MYEF2: variants seen among roughly 807,000 people sequenced by gnomAD.
The protein encoded by MYEF2 is myelin gene expression factor 2.
MYEF2 carries 37 observed loss-of-function variants against 75.2 expected under a neutral mutation model. That is an observed-to-expected ratio of 0.49 (90% confidence interval 0.38 to 0.65). The LOEUF (loss-of-function observed/expected upper bound fraction) is 0.65, where lower values mean the gene tolerates loss of function less well. Ranked by LOEUF, MYEF2 falls within the 30% of genes least tolerant of loss-of-function variation. The pLI, the probability that MYEF2 is intolerant of heterozygous loss-of-function variation, is 0.00. For missense variants in MYEF2, 634 were observed against 771.4 expected (o/e 0.82, Z 2.11); for synonymous variants, 195 against 241.6 (o/e 0.81, Z 1.79).
At position 48,153,754 on chromosome 15, in the gene MYEF2, T is replaced by G. The variant is rs768129531; in HGVS notation, c.1087+38A>C. ...TGGAGGCTTTATTAGCTAGCATATG[T>G]ATCATTTAAAAAGAAAAGAGGAAGT... is the stretch of plus-strand genomic sequence containing the variant. On this transcript the variant is annotated intron_variant, in intron 10 of 16. Coordinates refer to ENST00000324324, the MANE Select transcript of MYEF2 (RefSeq NM_016132.5). The G allele has an allele frequency of 2.0e-6, 3 of 1,519,062 alleles. No homozygotes were observed. In the African/African-American group the frequency reaches 4.1e-5, roughly 21 times the overall value. The allele number at this position is 1,519,062 out of a possible 1,614,324, so 94.1% of individuals were successfully genotyped here. A position where few individuals can be genotyped will look rare whatever the true frequency, so the allele number is the denominator to read the frequency against.
At chr15:48,147,602 G>A (rs1008193009) in intron 16 of MYEF2, among the ~76,000 whole-genome samples, 1 of 151,878 alleles carries the variant, frequency 6.6e-6, no homozygotes, top group African/African-American at 2.4e-5. Flanking sequence ...TCTTACTCCT[G>A]CAAAGAAGAC....
chr15:48,166,724 T>C (rs933616123), intron 3 of MYEF2, among the ~76,000 whole-genome samples: 1 of 151,990 alleles, frequency 6.6e-6, no homozygotes, highest in African/African-American at 2.4e-5. Flanking sequence ...ATGAATGTAA[T>C]GACAAAATTT....
intron 7 of MYEF2, among the ~76,000 whole-genome samples, chr15:48,158,457 G>A (rs1047024242): frequency 1.7e-4 from 26 of 152,102 alleles, no homozygotes; most frequent in East Asian, 1.9e-4. Flanking sequence ...AAGTAAACTC[G>A]TAAGGCTTCG....
intron 1 of MYEF2, among the ~76,000 whole-genome samples, chr15:48,174,182 C>T (rs534774163): frequency 2.6e-5 from 4 of 152,096 alleles, no homozygotes; most frequent in African/African-American, 9.6e-5. Flanking sequence ...AAAAACACAT[C>T]CCCAATATAT....
Position 48,142,253 on chromosome 15 carries a change from ATAGTC to A in MYEF2, c.*650_*654del, listed in dbSNP as rs746029159. 7.6e-5 allele frequency: 123 copies of A among 1,613,760 alleles called. No individual in the cohort carries two copies. The highest frequency in any genetic ancestry group is 1.0e-4 in the Non-Finnish European group (122 of 1,179,772). On this transcript the variant is annotated 3_prime_UTR_variant, in exon 17 of 17. Transcript: ENST00000324324. ...CTGGAAACTAGACAGAAAGTTGGGA[ATAGTC>A]TGCCTATTATCATACTTGGGGCTTG...
intron 1 of MYEF2, among the ~76,000 whole-genome samples, chr15:48,170,618 A>G (rs150832629): frequency 3.9e-5 from 6 of 152,248 alleles, no homozygotes; most frequent in African/African-American, 1.2e-4. Flanking sequence ...CAGGCTCTAA[A>G]TTATCTTCTA....
Position 48,167,206 on chromosome 15 carries a change from G to C in MYEF2, c.423+143C>G, listed in dbSNP as rs186295891. The C allele has an allele frequency of 8.6e-4, 633 of 737,960 alleles. 1 individual carries two copies. Among genetic ancestry groups the C allele is most frequent in the Non-Finnish European group, 1.2e-3 (553 of 449,686 alleles). 45.7% of individuals were successfully genotyped at this position (737,960 alleles called of 1,614,324 possible). A position where few individuals can be genotyped will look rare whatever the true frequency, so the allele number is the denominator to read the frequency against. On this transcript the variant is annotated intron_variant, in intron 3 of 16. Coordinates refer to ENST00000324324, the MANE Select transcript of MYEF2 (RefSeq NM_016132.5). The stretch of plus-strand genomic sequence containing the variant: ...CTAGGTTTGTATAAGTGTCAGACTT[G>C]CTGGTATAGAGCCTCAAATCTTGCA...
At chr15:48,172,419 A>AAAGATCTCC (rs1421375321) in intron 1 of MYEF2, among the ~76,000 whole-genome samples, 1 of 151,696 alleles carries the variant, frequency 6.6e-6, no homozygotes, top group Non-Finnish European at 1.5e-5. Flanking sequence ...AAAAAAGAAT[A>AAAGATCTCC]AAGATCTCCA....
At position 48,178,137 on chromosome 15, in the gene MYEF2, TGCGGCTCTCGCC is replaced by T. The variant is rs755181981; in HGVS notation, c.89_100del (p.Arg30_Pro33del). ...CTGCTGCTTCTCCGCCTCCGCGGGG[TGCGGCTCTCGCC>T]GCGGCTCGCCCGGCGGCTCTGCGGG... is the stretch of plus-strand genomic sequence containing the variant. On this transcript the variant is annotated inframe_deletion, in exon 1 of 17. Transcript: ENST00000324324. The T allele has an allele frequency of 1.3e-6, 2 of 1,582,692 alleles. No homozygotes were observed. The highest frequency in any genetic ancestry group is 1.7e-6 in the Non-Finnish European group (2 of 1,165,414).
chr15:48,158,230 G>C lies in MYEF2; in HGVS notation c.872-6C>G. Reference sequence around the variant, plus strand: ...AAACTGCCCATTGAACATAGCTGTTGGTTCAGTCAAGGAAAGTCAGTTAAG... The same window carrying C: ...AAACTGCCCATTGAACATAGCTGTTCGTTCAGTCAAGGAAAGTCAGTTAAG... On this transcript the variant is annotated splice_polypyrimidine_tract_variant and splice_region_variant and intron_variant, in intron 7 of 16. Coordinates refer to ENST00000324324, the MANE Select transcript of MYEF2 (RefSeq NM_016132.5). 6.2e-7 allele frequency: 1 copy of C among 1,612,082 alleles called. No homozygotes were observed. The highest frequency in any genetic ancestry group is 1.1e-5 in the South Asian group (1 of 90,846).
At position 48,149,589 on chromosome 15, in the gene MYEF2, C is replaced by A. The variant is rs115398350; in HGVS notation, c.1379-218G>T. On this transcript the variant is annotated intron_variant, in intron 14 of 16. Coordinates refer to ENST00000324324, the MANE Select transcript of MYEF2 (RefSeq NM_016132.5). This position sits in a 1 kb window ranked among gnomAD's most constrained non-coding sequence, Gnocchi z 4.0. ...AAAGAACAGAATTTGCTTACATATA[C>A]ATTTAGTTAGCTGAGAAATTCTAGC... is the stretch of plus-strand genomic sequence containing the variant. 8.7e-6 allele frequency: 3 copies of A among 344,176 alleles called. No individual in the cohort carries two copies. The highest frequency in any genetic ancestry group is 1.5e-5 in the Non-Finnish European group (3 of 195,098). The allele number at this position is 344,176 out of a possible 1,614,324, so 21.3% of individuals were successfully genotyped here. A position where few individuals can be genotyped will look rare whatever the true frequency, so the allele number is the denominator to read the frequency against.
rs536330487 is a variant in MYEF2 at position 48,135,180 on chromosome 15, A to G, written c.*7728T>C. On this transcript the variant is annotated 3_prime_UTR_variant, in exon 17 of 17. Coordinates refer to ENST00000324324, the MANE Select transcript of MYEF2 (RefSeq NM_016132.5). The stretch of plus-strand genomic sequence containing the variant: ...ACTAGTTTGCAATTTCTTCTTAATC[A>G]CTTCACAGTCTCCTTTTTTCTCTCA... 6.1e-5 allele frequency: 28 copies of G among 455,600 alleles called. No individual in the cohort carries two copies. The Admixed American group carries it at 7.0e-4, about 11-fold the overall frequency. The allele number at this position is 455,600 out of a possible 1,614,324, so 28.2% of individuals were successfully genotyped here.
At position 48,142,673 on chromosome 15, in the gene MYEF2, A is replaced by C; in HGVS notation, c.*235T>G. On this transcript the variant is annotated 3_prime_UTR_variant, in exon 17 of 17. Transcript: ENST00000324324. ...CAAGAAAATGGCTTATTTCATTAAAAACAGTATAACCATTCATTTAAACTG... is the reference window on the plus strand; with the variant it reads ...CAAGAAAATGGCTTATTTCATTAAACACAGTATAACCATTCATTTAAACTG... 2.1e-6 allele frequency: 1 copy of C among 469,696 alleles called. No homozygotes were observed. Among genetic ancestry groups the C allele is most frequent in the Non-Finnish European group, 3.7e-6 (1 of 272,220 alleles). The allele number at this position is 469,696 out of a possible 1,614,324, so 29.1% of individuals were successfully genotyped here. A position where few individuals can be genotyped will look rare whatever the true frequency, so the allele number is the denominator to read the frequency against.
chr15:48,141,258 C>A lies in MYEF2; in HGVS notation c.*1650G>T. The A allele has an allele frequency of 2.1e-6, 3 of 1,411,890 alleles. No homozygotes were observed. Among genetic ancestry groups the A allele is most frequent in the Non-Finnish European group, 3.0e-6 (3 of 999,822 alleles). The allele number at this position is 1,411,890 out of a possible 1,614,324, so 87.5% of individuals were successfully genotyped here. A position where few individuals can be genotyped will look rare whatever the true frequency, so the allele number is the denominator to read the frequency against. On this transcript the variant is annotated 3_prime_UTR_variant, in exon 17 of 17. Transcript: ENST00000324324. ...AAGCTGCAATGGTCATTCTACAAGG[C>A]TAGAATGAGTAAAAGTAGCTTTAAA...
At chr15:48,152,340 G>A in intron 10 of MYEF2, 56 bp from the exon 11 acceptor site, 1 of 1,450,954 alleles carries the variant, frequency 6.9e-7, no homozygotes, top group South Asian at 1.2e-5. Flanking sequence ...ATGACTAAAA[G>A]ATGATATAAT....
chr15:48,168,517 A>C lies in MYEF2; in HGVS notation c.370+114T>G. 7.9e-6 allele frequency: 6 copies of C among 763,122 alleles called. No individual in the cohort carries two copies. In the East Asian group the frequency reaches 1.5e-4, roughly 19 times the overall value. The allele number at this position is 763,122 out of a possible 1,614,324, so 47.3% of individuals were successfully genotyped here. Reference sequence around the variant, plus strand: ...AAAAGATTAATTCACATGTCAAGAAATAAAAATCAATTTTTTGAGTCTGTG... The same window carrying C: ...AAAAGATTAATTCACATGTCAAGAACTAAAAATCAATTTTTTGAGTCTGTG... On this transcript the variant is annotated intron_variant, in intron 2 of 16. Transcript: ENST00000324324.
chr15:48,170,263 T>C (rs1400224578), intron 1 of MYEF2, among the ~76,000 whole-genome samples: 1 of 151,958 alleles, frequency 6.6e-6, no homozygotes, highest in African/African-American at 2.4e-5. Context: ...GTAGCTGGAA[T>C]TACAGGTGTC....
chr15:48,158,213 C>A lies in MYEF2; in HGVS notation c.883G>T (p.Gly295Trp). 6.2e-7 allele frequency: 1 copy of A among 1,612,896 alleles called. No homozygotes were observed. Among genetic ancestry groups the A allele is most frequent in the South Asian group, 1.1e-5 (1 of 91,020 alleles). Reference sequence around the variant, plus strand: ...ATAGGTCTATCAAATAAAAACTGCCCATTGAACATAGCTGTTGGTTCAGTC... The same window carrying A: ...ATAGGTCTATCAAATAAAAACTGCCAATTGAACATAGCTGTTGGTTCAGTC... ...EAVQAISMFN[G>W]QFLFDRPMHV... The change falls in exon 8 of 17, where the codon GGG becomes TGG. Residue 295 changes from glycine (G) to tryptophan (W), a missense_variant. Gly to Trp is a radical substitution (Grantham distance 184). Transcript: ENST00000324324.
chr15:48,159,725 C>G lies in MYEF2; in HGVS notation c.605G>C (p.Gly202Ala), dbSNP rs1339283159. The G allele has an allele frequency of 1.9e-6, 3 of 1,613,400 alleles. No homozygotes were observed. The highest frequency in any genetic ancestry group is 2.2e-5 in the East Asian group (1 of 44,854). Reference protein sequence around the residue: ...SFPGGHVPDMGSGLMNLPPSI... With the variant: ...SFPGGHVPDMASGLMNLPPSI... ...AGGTGGTAAATTCATCAACCCTGAT[C>G]CCATATCAGGGACGTGTCCTCCTGG... The change falls in exon 6 of 17, where the codon GGA (glycine) becomes GCA (alanine). Residue 202 changes from glycine (G) to alanine (A), a missense_variant. Physicochemically the swap from Gly to Ala is moderately conservative, Grantham distance 60. Transcript: ENST00000324324.
Sources: allele counts gnomAD v4.1 joint callset (sites outside exome capture counted in the v4.1 genomes callset), GRCh38; gene constraint gnomAD v4.1.1; non-coding constraint Gnocchi (gnomAD v3.1); transcripts MANE v1.5; gene names NCBI Gene and HGNC (gene_info 2026-07-23, HGNC 2026-07-21).